Variants in TNRC6A observed in about 807,000 individuals in gnomAD.
The protein encoded by TNRC6A is trinucleotide repeat-containing gene 6A protein.
Under a neutral mutation model 221.2 loss-of-function variants are expected in TNRC6A, and 44 were observed. The ratio of observed to expected loss-of-function variants is 0.20; its 90% CI spans 0.16 to 0.26. TNRC6A has a LOEUF of 0.26. Ranked by LOEUF, TNRC6A falls within the 10% of genes least tolerant of loss-of-function variation. The pLI is 1.00. For missense variants in TNRC6A, 2,199 were observed against 2,404.4 expected (o/e 0.91, Z 1.79); for synonymous variants, 847 against 838.5 (o/e 1.01, Z -0.18).
At chr16:24,678,824 A>G (rs1343058109) in intron 2 of TNRC6A, among the ~76,000 whole-genome samples, 2 of 152,174 alleles carry the variant, frequency 1.3e-5, no homozygotes, top group African/African-American at 2.4e-5. Context: ...AGTTCTGGGG[A>G]AAATTGTTAT....
chr16:24,793,467 C>G lies in TNRC6A; in HGVS notation c.3176-6C>G. The G allele has an allele frequency of 7.1e-7, 1 of 1,408,454 alleles. No individual in the cohort carries two copies. Among genetic ancestry groups the G allele is most frequent in the Non-Finnish European group, 9.3e-7 (1 of 1,070,186 alleles). The allele number at this position is 1,408,454 out of a possible 1,614,324, so 87.2% of individuals were successfully genotyped here. On this transcript the variant is annotated splice_region_variant and splice_polypyrimidine_tract_variant and intron_variant, in intron 6 of 24. Coordinates refer to ENST00000395799, the MANE Select transcript of TNRC6A (RefSeq NM_014494.4). ...CTGATGACTTCTTTTCCCACACTTT[C>G]TAAAGGCTGGGGTGAGCCCTGGGGG...
intron 2 of TNRC6A, among the ~76,000 whole-genome samples, chr16:24,745,655 CCAT>C (rs983583114): frequency 6.6e-5 from 10 of 151,904 alleles, no homozygotes; most frequent in African/African-American, 2.4e-4. Context: ...ACCCCTTGTC[CCAT>C]TATTGTCATT....
At position 24,823,988 on chromosome 16, in the gene TNRC6A, A is replaced by C; in HGVS notation, c.*181A>C. 2.1e-6 allele frequency: 1 copy of C among 486,724 alleles called. No homozygotes were observed. The highest frequency in any genetic ancestry group is 3.3e-6 in the Non-Finnish European group (1 of 304,788). 30.2% of individuals were successfully genotyped at this position (486,724 alleles called of 1,614,324 possible). The stretch of plus-strand genomic sequence containing the variant: ...TTGAATCATGCAGGCCAATATTATA[A>C]TGTGAAAAGGTATCTACTCTATTTA... On this transcript the variant is annotated 3_prime_UTR_variant, in exon 25 of 25. Coordinates refer to ENST00000395799, the MANE Select transcript of TNRC6A (RefSeq NM_014494.4). This position sits in a 1 kb window ranked among gnomAD's most constrained non-coding sequence, Gnocchi z 4.3.
intron 4 of TNRC6A, among the ~76,000 whole-genome samples, chr16:24,760,484 AG>A (rs2057339623): frequency 6.6e-6 from 1 of 152,198 alleles, no homozygotes; most frequent in African/African-American, 2.4e-5. Flanking sequence ...GAGTATATGA[AG>A]GTCACTTCAG....
At chr16:24,740,892 GTGTT>G (rs1318603572) in intron 2 of TNRC6A, among the ~76,000 whole-genome samples, 2 of 152,174 alleles carry the variant, frequency 1.3e-5, no homozygotes, top group Admixed American at 6.6e-5. Flanking sequence ...GAGTCATAGA[GTGTT>G]TGTCCTTTTG....
Position 24,823,318 on chromosome 16 carries a change from C to T in TNRC6A, c.5514-114C>T. The T allele has an allele frequency of 2.3e-6, 3 of 1,327,870 alleles. No individual in the cohort carries two copies. Among genetic ancestry groups the T allele is most frequent in the Non-Finnish European group, 3.1e-6 (3 of 970,244 alleles). The allele number at this position is 1,327,870 out of a possible 1,614,324, so 82.3% of individuals were successfully genotyped here. ...CGCAGGTTATGTGGTGTAGTCTCTC[C>T]CTCTGTGCCTTCTGTGGCTTTTCTA... On this transcript the variant is annotated intron_variant, in intron 24 of 24. Transcript: ENST00000395799. This position sits in a 1 kb window ranked among gnomAD's most constrained non-coding sequence, Gnocchi z 4.3.
rs1220442893 is a variant in TNRC6A, at chr16:24,647,038, C to G, written n.402+6029C>G. Among the ~76,000 whole-genome samples the G allele has an allele frequency of 2.0e-5, 3 of 152,006 alleles. 1 individual carries two copies. Among genetic ancestry groups the G allele is most frequent in the African/African-American group, 7.3e-5 (3 of 41,374 alleles). ...TGACCTCCTGGGCTCAGTGATCCTC[C>G]CACCTCAGCCTCCTCCCCAGTAGCT... On this transcript the variant is annotated intron_variant and non_coding_transcript_variant, in intron 2 of 2. Coordinates refer to the TNRC6A transcript ENST00000566108.
intron 1 of TNRC6A, among the ~76,000 whole-genome samples, chr16:24,612,962 G>C (rs1900131523): frequency 6.6e-6 from 1 of 151,606 alleles, no homozygotes; most frequent in Non-Finnish European, 1.5e-5. Context: ...ATATATAACT[G>C]AAGGCCGGGA....
At chr16:24,754,213 A>G (rs2057198483) in intron 3 of TNRC6A, among the ~76,000 whole-genome samples, 2 of 152,190 alleles carry the variant, frequency 1.3e-5, no homozygotes, top group Admixed American at 6.5e-5. Context: ...AAGCCAGATA[A>G]CACAACTTCC....
chr16:24,812,009 T>G (rs895534790), intron 18 of TNRC6A, among the ~76,000 whole-genome samples: 2 of 144,226 alleles, frequency 1.4e-5, no homozygotes, highest in African/African-American at 5.3e-5. Context: ...CAGGGGAATG[T>G]CACTTTGGGA....
chr16:24,773,221 T>A (rs1447926798), intron 4 of TNRC6A, among the ~76,000 whole-genome samples: 2 of 152,220 alleles, frequency 1.3e-5, no homozygotes, highest in Non-Finnish European at 2.9e-5. Context: ...TGAATTTTTT[T>A]GTGTGCACTG....
At chr16:24,795,028 T>C (rs1210499337) in intron 8 of TNRC6A, among the ~76,000 whole-genome samples, 1 of 152,168 alleles carries the variant, frequency 6.6e-6, no homozygotes, top group Non-Finnish European at 1.5e-5. Context: ...CAAATCTCCA[T>C]GTTGACTCTT....
chr16:24,715,368 C>T (rs1331485479), intron 2 of TNRC6A, among the ~76,000 whole-genome samples: 4 of 152,136 alleles, frequency 2.6e-5, no homozygotes, highest in African/African-American at 9.7e-5. Context: ...AGCCACCATA[C>T]CTGGCCAGAA....
intron 1 of TNRC6A, among the ~76,000 whole-genome samples, chr16:24,616,113 G>A (rs1012027815): frequency 1.6e-4 from 25 of 152,052 alleles, no homozygotes; most frequent in African/African-American, 5.8e-4. Context: ...GATTACCTGA[G>A]CCCAGGAGTT....
rs1453342281 is a variant in TNRC6A at position 24,788,026 on chromosome 16, A to G, written c.590-1206A>G. On this transcript the variant is annotated intron_variant, in intron 5 of 24. Transcript: ENST00000395799. ...CAGTCAGAATGCACGTGACTTATGC[A>G]GGTTAATGGCCCTGAGGAGTGTCTG... Among the ~76,000 whole-genome samples the G allele has an allele frequency of 2.0e-5, 3 of 152,360 alleles. No individual in the cohort carries two copies. The East Asian group carries it at 5.8e-4, about 29-fold the overall frequency.
chr16:24,736,729 A>G (rs1181532756), intron 2 of TNRC6A, among the ~76,000 whole-genome samples: 1 of 152,204 alleles, frequency 6.6e-6, no homozygotes, highest in African/African-American at 2.4e-5. Context: ...AATTAACCGA[A>G]AGGTTATCCA....
At chr16:24,753,518 G>A (rs1435668108) in intron 3 of TNRC6A, among the ~76,000 whole-genome samples, 1 of 152,132 alleles carries the variant, frequency 6.6e-6, no homozygotes, top group Non-Finnish European at 1.5e-5. Flanking sequence ...ACAACCTGTC[G>A]GTGAAGTGAG....
rs2058842368 is a variant in TNRC6A, at chr16:24,825,023, T to G, written c.*1216T>G. The stretch of plus-strand genomic sequence containing the variant: ...AATCCCATCAAGTGGCTCCATATGT[T>G]TCTGCTCTCTCGTGACTGTGTTAAT... On this transcript the variant is annotated 3_prime_UTR_variant, in exon 25 of 25. Transcript: ENST00000395799. 6.6e-6 allele frequency: 1 copy of G among 152,654 alleles called. No individual in the cohort carries two copies. Among genetic ancestry groups the G allele is most frequent in the Non-Finnish European group, 1.5e-5 (1 of 68,040 alleles). The allele number at this position is 152,654 out of a possible 1,614,324, so 9.5% of individuals were successfully genotyped here. A position where few individuals can be genotyped will look rare whatever the true frequency, so the allele number is the denominator to read the frequency against.
Position 24,730,733 on chromosome 16 carries a change from TC to T in TNRC6A, c.53+440del, listed in dbSNP as rs1567397868. Among the ~76,000 whole-genome samples the T allele has an allele frequency of 8.0e-4, 4 of 5,012 alleles. 1 individual carries two copies. In the Middle Eastern group the frequency reaches 0.062, roughly 78 times the overall value. The allele number at this position is 5,012 out of a possible 152,430, so 3.3% of individuals were successfully genotyped here. A position where few individuals can be genotyped will look rare whatever the true frequency, so the allele number is the denominator to read the frequency against. On this transcript the variant is annotated intron_variant, in intron 2 of 24. Coordinates refer to ENST00000395799, the MANE Select transcript of TNRC6A (RefSeq NM_014494.4). Reference sequence around the variant, plus strand: ...ATAAAAAGATACTATGTGTTCGCATTCCCCCCCGCCCCCCCCCCCCCCCCAT... The same window carrying T: ...ATAAAAAGATACTATGTGTTCGCATTCCCCCCGCCCCCCCCCCCCCCCCAT...
Sources: gnomAD v4.1 joint callset for allele counts (sites outside exome capture counted in the v4.1 genomes callset) on GRCh38, gnomAD v4.1.1 for gene constraint, Gnocchi (gnomAD v3.1) non-coding constraint, MANE v1.5 for transcripts, NCBI Gene and HGNC (gene_info 2026-07-23, HGNC 2026-07-21) for gene names.